WDR70: variants seen among roughly 807,000 people sequenced by gnomAD.
The protein encoded by WDR70 is WD repeat domain 70, also known as WD repeat-containing protein 70.
WDR70 carries 53 observed loss-of-function variants against 88.6 expected under a neutral mutation model. The observed-to-expected ratio is 0.60, with a 90% CI of 0.48 to 0.75. The LOEUF is 0.75. Among genes scored for constraint, WDR70 ranks in the 30% least tolerant of loss-of-function variants. WDR70 has a pLI of 0.00. For synonymous variants in WDR70, 280 were observed against 270.0 expected (o/e 1.04, Z -0.36); for missense variants, 610 against 823.2 (o/e 0.74, Z 3.17).
intron 9 of WDR70, among the ~76,000 whole-genome samples, chr5:37,519,025 C>G (rs1437905587): frequency 6.6e-6 from 1 of 152,178 alleles, no homozygotes; most frequent in Non-Finnish European, 1.5e-5. Context: ...AGATTAACAG[C>G]ATCCCAAGGC....
At position 37,381,658 on chromosome 5, in the gene WDR70, G is replaced by A. The variant is rs767219148; in HGVS notation, c.148G>A (p.Ala50Thr). Reference protein sequence around the residue: ...EAMFEQTRRTAVERSRKTLEA... With the variant: ...EAMFEQTRRTTVERSRKTLEA... ...AATGTTTGAACAAACTCGAAGGACA[G>A]CTGTGGAAAGAAGTCGCAAAACACT... Residue 50 changes from alanine to threonine, a missense_variant, in exon 3 of 18, where the codon GCT becomes ACT. This residue lies in a region of WDR70 where 203 missense variants were observed against 228.1 expected (regional missense o/e 0.89). Coordinates refer to ENST00000265107, the MANE Select transcript of WDR70 (RefSeq NM_018034.4). The A allele has an allele frequency of 6.2e-7, 1 of 1,611,818 alleles. No homozygotes were observed. The highest frequency in any genetic ancestry group is 1.1e-5 in the South Asian group (1 of 91,048).
chr5:37,750,002 A>G (rs936929884), intron 17 of WDR70, among the ~76,000 whole-genome samples: 2 of 152,240 alleles, frequency 1.3e-5, no homozygotes, highest in East Asian at 3.9e-4. Context: ...TTACAAATCA[A>G]CTTTATTGAG....
intron 3 of WDR70, among the ~76,000 whole-genome samples, chr5:37,388,560 T>A (rs1748703565): frequency 6.8e-6 from 1 of 146,096 alleles, no homozygotes. Flanking sequence ...GCCAACATGG[T>A]GAAACCCCAT....
intron 5 of WDR70, among the ~76,000 whole-genome samples, chr5:37,417,234 C>T (rs970960751): frequency 2.0e-5 from 3 of 151,676 alleles, no homozygotes; most frequent in Non-Finnish European, 4.4e-5. Flanking sequence ...TTGTTTTTTT[C>T]TTTTTTTGAG....
At chr5:37,492,711 G>T (rs1251562636) in intron 8 of WDR70, among the ~76,000 whole-genome samples, 2 of 152,202 alleles carry the variant, frequency 1.3e-5, no homozygotes, top group Non-Finnish European at 2.9e-5. Flanking sequence ...TAAGCAAAAT[G>T]TTGAAGGTGC....
At chr5:37,523,518 C>T (rs183786788) in intron 9 of WDR70, among the ~76,000 whole-genome samples, 38 of 152,228 alleles carry the variant, frequency 2.5e-4, no homozygotes, top group Admixed American at 2.5e-3. Flanking sequence ...GATAAAACCA[C>T]AAAGATGGGG....
chr5:37,387,090 A>C, intron 3 of WDR70, among the ~76,000 whole-genome samples: 1 of 139,444 alleles, frequency 7.2e-6, no homozygotes, highest in African/African-American at 3.1e-5. Context: ...CGAGAGCAAA[A>C]CTCTGTCTAA....
chr5:37,523,111 C>T (rs1239581394), intron 9 of WDR70, among the ~76,000 whole-genome samples: 1 of 152,256 alleles, frequency 6.6e-6, no homozygotes, highest in Non-Finnish European at 1.5e-5. Flanking sequence ...ATGTCCCTGT[C>T]TGACAGCTTT....
intron 9 of WDR70, among the ~76,000 whole-genome samples, chr5:37,531,773 T>A (rs113764209): frequency 0.17 from 25,144 of 151,802 alleles, 2,200 homozygotes; most frequent in South Asian, 0.27. Context: ...ATTATTGAGA[T>A]GTGAGGTACT....
chr5:37,697,854 G>T, intron 11 of WDR70, 100 bp downstream of exon 11: 1 of 966,470 alleles, frequency 1.0e-6, no homozygotes, highest in Non-Finnish European at 1.5e-6. Flanking sequence ...AGCTTGCTTT[G>T]ATTTTTGTTA....
At chr5:37,718,818 C>T (rs1747726221) in intron 13 of WDR70, among the ~76,000 whole-genome samples, 1 of 152,122 alleles carries the variant, frequency 6.6e-6, no homozygotes, top group Non-Finnish European at 1.5e-5. Context: ...CTAATCTAGG[C>T]ACTTGGGATA....
At chr5:37,727,997 C>T (rs2112707907) in intron 17 of WDR70, among the ~76,000 whole-genome samples, 1 of 152,244 alleles carries the variant, frequency 6.6e-6, no homozygotes, top group Admixed American at 6.5e-5. Flanking sequence ...TAATTTAACA[C>T]TTTACATAAT....
At chr5:37,632,110 T>C (rs972203013) in intron 10 of WDR70, among the ~76,000 whole-genome samples, 2 of 152,198 alleles carry the variant, frequency 1.3e-5, no homozygotes, top group South Asian at 2.1e-4. Flanking sequence ...GATTAGTATG[T>C]AGCTGAAAAA....
intron 8 of WDR70, among the ~76,000 whole-genome samples, chr5:37,511,220 A>T (rs1323604774): frequency 6.6e-6 from 1 of 152,104 alleles, no homozygotes; most frequent in East Asian, 1.9e-4. Flanking sequence ...CATTTATTTT[A>T]TGTTTATCAG....
At chr5:37,513,138 A>G (rs1281258259) in intron 8 of WDR70, among the ~76,000 whole-genome samples, 2 of 152,186 alleles carry the variant, frequency 1.3e-5, no homozygotes, top group Non-Finnish European at 2.9e-5. Flanking sequence ...AATATGTAAA[A>G]TGTTAACACT....
intron 17 of WDR70, among the ~76,000 whole-genome samples, chr5:37,729,508 C>T (rs1344995979): frequency 6.6e-6 from 1 of 152,130 alleles, no homozygotes; most frequent in Non-Finnish European, 1.5e-5. Context: ...CTTCTTTCTC[C>T]GTTAATGAGA....
intron 8 of WDR70, chr5:37,506,989 T>C: frequency 1.7e-6 from 1 of 584,066 alleles, no homozygotes; most frequent in Non-Finnish European, 3.2e-6. Context: ...CTTCCTGCCC[T>C]TGGGGACACA....
chr5:37,601,476 T>C (rs1743879880), intron 9 of WDR70, among the ~76,000 whole-genome samples: 1 of 152,252 alleles, frequency 6.6e-6, no homozygotes, highest in African/African-American at 2.4e-5. Context: ...TATTGTTCTG[T>C]AGCTTTCTTT....
chr5:37,441,169 G>T (rs1226318956), intron 6 of WDR70, among the ~76,000 whole-genome samples: 1 of 152,208 alleles, frequency 6.6e-6, no homozygotes, highest in Non-Finnish European at 1.5e-5. Flanking sequence ...ATAGCATAAT[G>T]AACGTAGAGG....
Sources: allele counts gnomAD v4.1 joint callset (sites outside exome capture counted in the v4.1 genomes callset), GRCh38; gene constraint gnomAD v4.1.1; regional missense constraint gnomAD v4.1.1; transcripts MANE v1.5; gene names NCBI Gene and HGNC (gene_info 2026-07-23, HGNC 2026-07-21).